SEMA3D: variants seen among roughly 807,000 people sequenced by gnomAD.
The protein encoded by SEMA3D is semaphorin 3D, also known as semaphorin-3D.
Under a neutral mutation model 100.1 loss-of-function variants are expected in SEMA3D, and 84 were observed. The observed-to-expected ratio is 0.84, with a 90% CI of 0.70 to 1.01. The LOEUF (loss-of-function observed/expected upper bound fraction) is 1.01, where lower values mean the gene tolerates loss of function less well. Among genes scored for constraint, SEMA3D ranks in the 50% least tolerant of loss-of-function variants. The pLI, the probability that SEMA3D is intolerant of heterozygous loss-of-function variation, is 0.00. For synonymous variants in SEMA3D, 312 were observed against 320.7 expected, an observed-to-expected ratio of 0.97 and a Z score of 0.29; for missense variants, 875 against 934.1, an observed-to-expected ratio of 0.94 and a Z score of 0.82.
At chr7:85,193,875 GAA>G in the SEMA3D span, among the ~76,000 whole-genome samples, 408 of 140,626 alleles carry the variant, frequency 2.9e-3, no homozygotes, top group Middle Eastern at 0.011. Context: ...CATACTAAAG[GAA>G]AAAAAAAAAA....
chr7:85,132,609 T>C (rs1789757005), intron 2 of SEMA3D, among the ~76,000 whole-genome samples: 1 of 151,820 alleles, frequency 6.6e-6, no homozygotes, highest in East Asian at 1.9e-4. Context: ...GGATGAAATG[T>C]TTCTCTAGCA....
rs1405871040 is a variant in SEMA3D at position 84,999,290 on chromosome 7, T to A, written c.*150A>T. ...CAAATGAATTTTTTGCCCTTTCTTA[T>A]ATTCATCACATATTGTCTTATTCAG... On this transcript the variant is annotated 3_prime_UTR_variant, in exon 19 of 19. Transcript: ENST00000284136. 2.9e-5 allele frequency: 19 copies of A among 662,156 alleles called. No individual in the cohort carries two copies. Among genetic ancestry groups the A allele is most frequent in the Non-Finnish European group, 1.0e-5 (4 of 400,664 alleles). 41.0% of individuals were successfully genotyped at this position (662,156 alleles called of 1,614,324 possible).
At position 84,999,674 on chromosome 7, in the gene SEMA3D, C is replaced by A. The variant is rs1419921517; in HGVS notation, c.2100G>T (p.Gly700=). 1 of 1,614,008 alleles carries A rather than the reference C, an allele frequency of 6.2e-7. No homozygotes were observed. Among genetic ancestry groups the A allele is most frequent in the Non-Finnish European group, 8.5e-7 (1 of 1,179,972 alleles). ...ACTCAGCCAATAGATCCTTGACCTT[C>A]CCCTCCTCATGCTCTGCCCTCTGGG... ...ENTQRAEHEE[G]KVKDLLAESR... Residue 700 remains glycine (G), a synonymous_variant, in exon 19 of 19, where the codon GGG becomes GGT. Coordinates refer to ENST00000284136, the MANE Select transcript of SEMA3D (RefSeq NM_001384900.1).
chr7:85,123,962 A>G (rs1789498192), intron 2 of SEMA3D, among the ~76,000 whole-genome samples: 1 of 152,084 alleles, frequency 6.6e-6, no homozygotes, highest in African/African-American at 2.4e-5. Context: ...ACCAAAACCT[A>G]CACCATCAGC....
rs1014955106 is a variant in SEMA3D at position 85,141,178 on chromosome 7, C to A, written c.-41+12430G>T. The A allele has an allele frequency of 8.1e-6, 8 of 984,088 alleles. No individual in the cohort carries two copies. The African/African-American group carries it at 1.2e-4, about 15-fold the overall frequency. 61.0% of individuals were successfully genotyped at this position (984,088 alleles called of 1,614,324 possible). On this transcript the variant is annotated intron_variant, in intron 2 of 18. Transcript: ENST00000284136. The stretch of plus-strand genomic sequence containing the variant: ...CTAAGCACATTATAACTAGTTGCAG[C>A]ACTATCATTTTTAATATAGCACACA...
chr7:85,108,186 C>T (rs1418598589), intron 3 of SEMA3D, among the ~76,000 whole-genome samples: 3 of 151,958 alleles, frequency 2.0e-5, no homozygotes, highest in Non-Finnish European at 4.4e-5. Context: ...ACTAGAAGCC[C>T]TTGAAGATAA....
chr7:85,220,316 A>T, the SEMA3D span, among the ~76,000 whole-genome samples: 1 of 147,162 alleles, frequency 6.8e-6, no homozygotes, highest in African/African-American at 2.6e-5. Flanking sequence ...TATGGGTGGC[A>T]GAGTTTCAGG....
intron 3 of SEMA3D, among the ~76,000 whole-genome samples, chr7:85,111,212 G>A (rs751247582): frequency 6.6e-6 from 1 of 151,868 alleles, no homozygotes; most frequent in South Asian, 2.1e-4. Context: ...TCACAGTCTT[G>A]TAGATTTAAA....
At position 85,065,508 on chromosome 7, in the gene SEMA3D, C is replaced by T. The variant is rs1243681824; in HGVS notation, c.634G>A (p.Asp212Asn). ...CCAAGGGATCGAGTGAATGCAGTAT[C>T]TTTGCCAAGGAAATCAGAAGCTGTT... is the stretch of plus-strand genomic sequence containing the variant. ...SGTASDFLGK[D>N]TAFTRSLGPT... The change falls in exon 8 of 19, where the codon GAT (aspartate) becomes AAT (asparagine). Residue 212 changes from aspartate (D) to asparagine (N), a missense_variant. Asp to Asn is a conservative substitution (Grantham distance 23, BLOSUM62 1). Coordinates refer to ENST00000284136, the MANE Select transcript of SEMA3D (RefSeq NM_001384900.1). The T allele has an allele frequency of 6.2e-7, 1 of 1,612,894 alleles. No individual in the cohort carries two copies. The highest frequency in any genetic ancestry group is 1.3e-5 in the African/African-American group (1 of 74,854).
At chr7:85,080,812 G>A (rs1250925519) in intron 5 of SEMA3D, among the ~76,000 whole-genome samples, 1 of 152,104 alleles carries the variant, frequency 6.6e-6, no homozygotes, top group Non-Finnish European at 1.5e-5. Flanking sequence ...AACTTGGACA[G>A]TGCAGAAATC....
Position 85,097,698 on chromosome 7 carries a change from G to T in SEMA3D, c.312+107C>A. ...TGCTGCTTTTTGACATGTATGTGAT[G>T]CACTGCATTTGACACTGTGTCCCTT... On this transcript the variant is annotated intron_variant, in intron 4 of 18. Coordinates refer to ENST00000284136, the MANE Select transcript of SEMA3D (RefSeq NM_001384900.1). 7 of 584,166 alleles carry T rather than the reference G, an allele frequency of 1.2e-5. No individual in the cohort carries two copies. The South Asian group carries it at 2.4e-4, about 20-fold the overall frequency. The allele number at this position is 584,166 out of a possible 1,614,324, so 36.2% of individuals were successfully genotyped here.
At chr7:85,157,731 A>T (rs1220329967) in intron 1 of SEMA3D, 2 of 536,604 alleles carry the variant, frequency 3.7e-6, no homozygotes, top group Non-Finnish European at 4.8e-6. Context: ...TCTTCTCCTC[A>T]ACAACACCCA....
At chr7:85,237,858 G>C in the SEMA3D span, among the ~76,000 whole-genome samples, 1 of 152,092 alleles carries the variant, frequency 6.6e-6, no homozygotes, top group Non-Finnish European at 1.5e-5. Flanking sequence ...AATTCCAAGG[G>C]AGCTGCACCA....
Position 85,081,530 on chromosome 7 carries a change from C to A in SEMA3D, c.362G>T (p.Gly121Val). The change falls in exon 5 of 19, where the codon GGG becomes GTG. Residue 121 changes from glycine to valine, a missense_variant. Gly to Val is a moderately radical substitution (Grantham distance 109). Coordinates refer to ENST00000284136, the MANE Select transcript of SEMA3D (RefSeq NM_001384900.1). ...TTTCATACTTACATTGGCATCTTTCCCAGCTAATTTACATAATTCCACCCG... is the reference window on the plus strand; with the variant it reads ...TTTCATACTTACATTGGCATCTTTCACAGCTAATTTACATAATTCCACCCG... ...KERVELCKLA[G>V]KDANTECANF... 6.2e-7 allele frequency: 1 copy of A among 1,609,368 alleles called. No homozygotes were observed.
At chr7:85,185,602 G>A (rs1196518623) in intron 1 of SEMA3D, among the ~76,000 whole-genome samples, 1 of 152,066 alleles carries the variant, frequency 6.6e-6, no homozygotes, top group Non-Finnish European at 1.5e-5. Context: ...GGACACCAGC[G>A]GCCCCAGCTG....
At chr7:85,057,871 T>C (rs775394550) in intron 8 of SEMA3D, among the ~76,000 whole-genome samples, 1 of 150,908 alleles carries the variant, frequency 6.6e-6, no homozygotes, top group Non-Finnish European at 1.5e-5. Flanking sequence ...GCAGAGGTTG[T>C]AGAGAGCCGA....
At chr7:85,163,910 A>G (rs1790817903) in intron 1 of SEMA3D, among the ~76,000 whole-genome samples, 1 of 152,172 alleles carries the variant, frequency 6.6e-6, no homozygotes, top group Non-Finnish European at 1.5e-5. Flanking sequence ...CTCCCATTCT[A>G]ACAAGAAAAG....
chr7:85,019,183 A>C (rs1048024258), intron 14 of SEMA3D, among the ~76,000 whole-genome samples: 11 of 151,792 alleles, frequency 7.2e-5, no homozygotes, highest in African/African-American at 2.4e-4. Context: ...AGAAAACAAA[A>C]GCTGGTCATT....
the SEMA3D span, among the ~76,000 whole-genome samples, chr7:85,194,155 A>G: frequency 1.3e-5 from 2 of 152,154 alleles, no homozygotes; most frequent in East Asian, 3.9e-4. Flanking sequence ...GCAAACAAAG[A>G]TAGTTTTATT....
Sources: allele counts gnomAD v4.1 joint callset (sites outside exome capture counted in the v4.1 genomes callset), GRCh38; gene constraint gnomAD v4.1.1; transcripts MANE v1.5; gene names NCBI Gene and HGNC (gene_info 2026-07-23, HGNC 2026-07-21).